Variants in NIT2 observed in about 807,000 individuals in gnomAD.
The protein encoded by NIT2 is omega-amidase NIT2.
NIT2 carries 46 observed loss-of-function variants against 42.7 expected under a neutral mutation model. That is an observed-to-expected ratio of 1.08 (90% CI 0.85 to 1.38). The LOEUF (loss-of-function observed/expected upper bound fraction) is 1.38. Among genes scored for constraint, NIT2 ranks in the 40% most tolerant of loss-of-function variants. NIT2 has a pLI of 0.00. For missense variants in NIT2, 309 were observed against 342.5 expected, an observed-to-expected ratio of 0.90 and a Z score of 0.77; for synonymous variants, 123 against 121.9, an observed-to-expected ratio of 1.01 and a Z score of -0.06.
intron 1 of NIT2, 43 bp downstream of exon 1, chr3:100,334,841 G>GA: frequency 8.6e-7 from 1 of 1,158,004 alleles, no homozygotes; most frequent in Non-Finnish European, 1.0e-6. Flanking sequence ...TTCGGGCCGC[G>GA]GGGGAGGCTT....
rs1298180326 is a variant in NIT2 at position 100,352,407 on chromosome 3, T to C, written c.588T>C (p.Ala196=). The C allele has an allele frequency of 6.2e-7, 1 of 1,611,954 alleles. No individual in the cohort carries two copies. The highest frequency in any genetic ancestry group is 8.5e-7 in the Non-Finnish European group (1 of 1,178,402). ...AHWELLQRSR[A]VDNQVYVATA... is the part of the protein sequence containing the mutation. ...CTTTCCTGTCTATTGACTACAGGGC[T>C]GTTGATAATCAGGTGTATGTGGCCA... The change falls in exon 8 of 10, where the codon GCT becomes GCC. Residue 196 remains alanine (A), a synonymous_variant. Transcript: ENST00000394140.
intron 1 of NIT2, among the ~76,000 whole-genome samples, chr3:100,336,400 G>C (rs1297741450): frequency 2.6e-5 from 4 of 152,082 alleles, no homozygotes; most frequent in African/African-American, 9.7e-5. Flanking sequence ...AAAAGAAAAA[G>C]ACACAAACAA....
chr3:100,349,401 C>T (rs1706252476), intron 7 of NIT2: 1 of 152,570 alleles, frequency 6.6e-6, no homozygotes, highest in Admixed American at 6.5e-5. Context: ...GTGTGAGCCC[C>T]AAGCCCTGCC....
At chr3:100,350,466 G>A (rs775348161) in intron 7 of NIT2, among the ~76,000 whole-genome samples, 74 of 152,084 alleles carry the variant, frequency 4.9e-4, no homozygotes, top group African/African-American at 1.7e-3. Flanking sequence ...CATTCTCTCC[G>A]GCCACCTTGA....
At chr3:100,345,342 T>G (rs1296171927) in intron 4 of NIT2, among the ~76,000 whole-genome samples, 1 of 152,206 alleles carries the variant, frequency 6.6e-6, no homozygotes, top group Non-Finnish European at 1.5e-5. Context: ...TAGAGGTTGA[T>G]TTGCAGACTG....
rs1043396067 is a variant in NIT2 at position 100,358,576 on chromosome 3, TG to T, written c.*3310del. The T allele has an allele frequency of 5.3e-5, 8 of 152,222 alleles. No homozygotes were observed. Among genetic ancestry groups the T allele is most frequent in the African/African-American group, 1.7e-4 (7 of 41,474 alleles). 9.4% of individuals were successfully genotyped at this position (152,222 alleles called of 1,614,324 possible). On this transcript the variant is annotated 3_prime_UTR_variant, in exon 10 of 10. Transcript: ENST00000394140. ...GAAATAGGTCAGGATGTGCAGTTTG[TG>T]GTGAAAGTTCTACTTGACTTTGACC...
At chr3:100,341,982 G>A (rs770683120) in intron 4 of NIT2, among the ~76,000 whole-genome samples, 1 of 152,028 alleles carries the variant, frequency 6.6e-6, no homozygotes, top group Non-Finnish European at 1.5e-5. Context: ...GGTGGACGCT[G>A]CAGTGAGCCA....
intron 1 of NIT2, among the ~76,000 whole-genome samples, chr3:100,336,765 C>G (rs1706078887): frequency 6.6e-6 from 1 of 152,198 alleles, no homozygotes; most frequent in South Asian, 2.1e-4. Flanking sequence ...TATACCGAGA[C>G]ATTCCGTTGC....
Position 100,356,412 on chromosome 3 carries a change from C to T in NIT2, c.*1144C>T, listed in dbSNP as rs935426591. The T allele has an allele frequency of 1.3e-5, 2 of 152,330 alleles. No homozygotes were observed. The highest frequency in any genetic ancestry group is 3.9e-4 in the East Asian group (2 of 5,190). The allele number at this position is 152,330 out of a possible 1,614,324, so 9.4% of individuals were successfully genotyped here. ...GGGAGCTGGTGCAATCCTGCCCTAG[C>T]ACACCACTGGTTTAAGATAGATATA... On this transcript the variant is annotated 3_prime_UTR_variant, in exon 10 of 10. Transcript: ENST00000394140.
chr3:100,356,896 T>A lies in NIT2; in HGVS notation c.*1628T>A, dbSNP rs1706330296. 4 of 152,228 alleles carry A rather than the reference T, an allele frequency of 2.6e-5. No individual in the cohort carries two copies. The highest frequency in any genetic ancestry group is 9.6e-5 in the African/African-American group (4 of 41,460). 9.4% of individuals were successfully genotyped at this position (152,228 alleles called of 1,614,324 possible). A position where few individuals can be genotyped will look rare whatever the true frequency, so the allele number is the denominator to read the frequency against. ...ATTAGTGCTTTTTCTGTATGTCTTC[T>A]TTCACTCAAAATCACTTGGAACTCA... is the stretch of plus-strand genomic sequence containing the variant. On this transcript the variant is annotated 3_prime_UTR_variant, in exon 10 of 10. Transcript: ENST00000394140.
At chr3:100,348,526 T>TG (rs1706240228) in intron 6 of NIT2, among the ~76,000 whole-genome samples, 2 of 152,344 alleles carry the variant, frequency 1.3e-5, no homozygotes, top group South Asian at 4.1e-4. Flanking sequence ...TCTGTTCTCT[T>TG]GCGACCGTCC....
chr3:100,354,516 A>G (rs917467923), intron 8 of NIT2, among the ~76,000 whole-genome samples: 5 of 152,224 alleles, frequency 3.3e-5, no homozygotes, highest in African/African-American at 1.2e-4. Flanking sequence ...TTTATGAAAC[A>G]TGATCCATAA....
chr3:100,348,158 C>T (rs1208112303), intron 6 of NIT2, among the ~76,000 whole-genome samples: 1 of 152,238 alleles, frequency 6.6e-6, no homozygotes, highest in African/African-American at 2.4e-5. Context: ...TCCCAAAGTG[C>T]TGGGATTACA....
rs779332530 is a variant in NIT2, at chr3:100,339,205, G to C, written c.126G>C (p.Pro42=). 3 of 1,580,568 alleles carry C rather than the reference G, an allele frequency of 1.9e-6. No individual in the cohort carries two copies. The highest frequency in any genetic ancestry group is 2.6e-6 in the Non-Finnish European group (3 of 1,149,620). The change falls in exon 2 of 10, where the codon CCG becomes CCC. Residue 42 remains proline (P), a splice_region_variant and synonymous_variant. Transcript: ENST00000394140. ...ATQGAKIVSL[P]ECFNSPYGAK... ...AAGGAGCCAAAATAGTTTCTTTGCC[G>C]GTCAGTATGGGAGCAGCCATTCTGT...
At chr3:100,336,436 C>T (rs1424198001) in intron 1 of NIT2, among the ~76,000 whole-genome samples, 1 of 151,906 alleles carries the variant, frequency 6.6e-6, no homozygotes, top group Non-Finnish European at 1.5e-5. Context: ...GTAGGGGGGC[C>T]CAGGGGACCA....
chr3:100,354,801 A>T lies in NIT2; in HGVS notation c.713A>T (p.Glu238Val). 1 of 1,610,324 alleles carries T rather than the reference A, an allele frequency of 6.2e-7. No homozygotes were observed. The highest frequency in any genetic ancestry group is 8.5e-7 in the Non-Finnish European group (1 of 1,178,140). Residue 238 changes from glutamate to valine, a missense_variant, in exon 9 of 10, where the codon GAA becomes GTA. Coordinates refer to ENST00000394140, the MANE Select transcript of NIT2 (RefSeq NM_020202.5). ...GAGGTTCTAGCCAAAGCTGGCACAG[A>T]AGAAGCAATCGTGTATTCAGACATA... ...WGEVLAKAGT[E>V]EAIVYSDIDL...
Position 100,360,341 on chromosome 3 carries a change from C to G in NIT2, c.*5073C>G, listed in dbSNP as rs887240068. 1 of 152,350 alleles carries G rather than the reference C, an allele frequency of 6.6e-6. No individual in the cohort carries two copies. Among genetic ancestry groups the G allele is most frequent in the African/African-American group, 2.4e-5 (1 of 41,424 alleles). 9.4% of individuals were successfully genotyped at this position (152,350 alleles called of 1,614,324 possible). ...TTCAGAGGCCGGGTATGGTGGCTCACGCCTGTAATCCCAGCACTTTGGGAG... is the reference window on the plus strand; with the variant it reads ...TTCAGAGGCCGGGTATGGTGGCTCAGGCCTGTAATCCCAGCACTTTGGGAG... On this transcript the variant is annotated 3_prime_UTR_variant, in exon 10 of 10. Coordinates refer to ENST00000394140, the MANE Select transcript of NIT2 (RefSeq NM_020202.5).
Position 100,358,080 on chromosome 3 carries a change from T to G in NIT2, c.*2812T>G, listed in dbSNP as rs1706340351. 1.3e-5 allele frequency: 2 copies of G among 152,194 alleles called. No homozygotes were observed. The highest frequency in any genetic ancestry group is 2.4e-5 in the African/African-American group (1 of 41,436). 9.4% of individuals were successfully genotyped at this position (152,194 alleles called of 1,614,324 possible). A position where few individuals can be genotyped will look rare whatever the true frequency, so the allele number is the denominator to read the frequency against. On this transcript the variant is annotated 3_prime_UTR_variant, in exon 10 of 10. Transcript: ENST00000394140. ...AGACGTGAGCCACGGCACCCAGCCT[T>G]TTGTTTGTTTTTGTTTTTATGTATT...
intron 1 of NIT2, among the ~76,000 whole-genome samples, chr3:100,335,268 C>T (rs1051405631): frequency 1.3e-5 from 2 of 152,228 alleles, no homozygotes; most frequent in Non-Finnish European, 1.5e-5. Flanking sequence ...TGTTCAGTGA[C>T]TTTGTGCAGC....
Sources: gnomAD v4.1 joint callset for allele counts (sites outside exome capture counted in the v4.1 genomes callset) on GRCh38, gnomAD v4.1.1 for gene constraint, MANE v1.5 for transcripts, NCBI Gene and HGNC (gene_info 2026-07-23, HGNC 2026-07-21) for gene names.